The following PDS5A variants were observed in gnomAD, a reference collection of about 807,000 sequenced individuals.
PDS5A encodes sister chromatid cohesion protein PDS5 homolog A.
Under a neutral mutation model 167.1 loss-of-function variants are expected in PDS5A, and 42 were observed. The observed-to-expected ratio is 0.25, with a 90% CI of 0.20 to 0.33. The LOEUF (loss-of-function observed/expected upper bound fraction) is 0.33, where lower values mean the gene tolerates loss of function less well. Among genes scored for constraint, PDS5A ranks in the 10% least tolerant of loss-of-function variants. PDS5A has a pLI of 1.00. For synonymous variants in PDS5A, 553 were observed against 554.6 expected (o/e 1.00, Z 0.04); for missense variants, 1,033 against 1,605.9 (o/e 0.64, Z 6.10).
At chr4:39,855,633 A>G (rs1032012783) in intron 26 of PDS5A, among the ~76,000 whole-genome samples, 3 of 152,224 alleles carry the variant, frequency 2.0e-5, no homozygotes, top group African/African-American at 7.2e-5. Flanking sequence ...ACTGATAAAG[A>G]GACAGAAATA....
At chr4:39,863,131 T>C in intron 24 of PDS5A, 58 bp from the exon 25 acceptor site, 1 of 1,297,318 alleles carries the variant, frequency 7.7e-7, no homozygotes, top group Admixed American at 1.9e-5. Context: ...AAAACAGCAG[T>C]TTAAGTATTT....
At chr4:39,975,178 C>T (rs1048446755) in intron 2 of PDS5A, among the ~76,000 whole-genome samples, 8 of 151,306 alleles carry the variant, frequency 5.3e-5, no homozygotes, top group Non-Finnish European at 1.0e-4. Flanking sequence ...ACTTGGGAGG[C>T]TGAGGCAGAA....
intron 2 of PDS5A, among the ~76,000 whole-genome samples, chr4:39,929,519 C>CCATATATATA (rs1553903666): frequency 1.3e-5 from 1 of 79,406 alleles, no homozygotes; most frequent in African/African-American, 8.7e-5. Context: ...ACTTAATAAA[C>CCATATATATA]TATATATATA....
chr4:39,872,868 C>A (rs529537384), intron 21 of PDS5A, 118 bp downstream of exon 21: 2 of 499,366 alleles, frequency 4.0e-6, no homozygotes, highest in Admixed American at 8.2e-5. Flanking sequence ...ATAAGTAGAA[C>A]CAATATAGAA....
rs1051963653 is a variant in PDS5A at position 39,910,422 on chromosome 4, A to T, written c.993-84T>A. 67 of 692,538 alleles carry T rather than the reference A, an allele frequency of 9.7e-5. No homozygotes were observed. The Admixed American group carries it at 1.5e-3, about 16-fold the overall frequency. The allele number at this position is 692,538 out of a possible 1,614,324, so 42.9% of individuals were successfully genotyped here. A position where few individuals can be genotyped will look rare whatever the true frequency, so the allele number is the denominator to read the frequency against. The stretch of plus-strand genomic sequence containing the variant: ...AGGTATATCTAACATGAAAATACTT[A>T]TACGCAACAATAGTTACTGATTAGA... On this transcript the variant is annotated intron_variant, in intron 9 of 32. Coordinates refer to ENST00000303538, the MANE Select transcript of PDS5A (RefSeq NM_001100399.2).
chr4:39,829,649 CAAA>C (rs150136201), intron 32 of PDS5A, among the ~76,000 whole-genome samples: 1 of 107,906 alleles, frequency 9.3e-6, no homozygotes. Context: ...TTCATCTCCA[CAAA>C]AAAAAAAAAA....
chr4:39,830,572 T>A (rs1206869947), intron 32 of PDS5A, among the ~76,000 whole-genome samples: 1 of 152,036 alleles, frequency 6.6e-6, no homozygotes, highest in Non-Finnish European at 1.5e-5. Context: ...ATTACAGGTG[T>A]GTGCCACCAC....
At chr4:39,960,003 G>C (rs150880921) in intron 2 of PDS5A, among the ~76,000 whole-genome samples, 569 of 152,246 alleles carry the variant, frequency 3.7e-3, no homozygotes, top group Middle Eastern at 6.8e-3. Flanking sequence ...TGAGGCAGGA[G>C]AATCGCTTGA....
chr4:39,840,749 A>T (rs1053174989), intron 31 of PDS5A, among the ~76,000 whole-genome samples: 4 of 151,920 alleles, frequency 2.6e-5, no homozygotes, highest in African/African-American at 9.7e-5. Flanking sequence ...TTGTTAGCAG[A>T]GACAGGGTTT....
intron 15 of PDS5A, 75 bp from the exon 16 acceptor site, chr4:39,898,603 C>T: frequency 9.4e-7 from 1 of 1,067,366 alleles, no homozygotes; most frequent in Non-Finnish European, 1.3e-6. Flanking sequence ...AAACAGGTGC[C>T]ATCAAAATAT....
chr4:39,966,318 C>G (rs766116928), intron 2 of PDS5A, among the ~76,000 whole-genome samples: 17 of 152,178 alleles, frequency 1.1e-4, no homozygotes, highest in Non-Finnish European at 1.6e-4. Context: ...TTCAGGGGTC[C>G]TCCTGGAGGA....
At chr4:39,898,267 G>T in intron 16 of PDS5A, 122 bp downstream of exon 16, 1 of 1,352,482 alleles carries the variant, frequency 7.4e-7, no homozygotes, top group Non-Finnish European at 9.5e-7. Flanking sequence ...ATACTCCAAA[G>T]TAATTCAGAG....
At chr4:39,900,969 T>C (rs1189687762) in intron 13 of PDS5A, among the ~76,000 whole-genome samples, 2 of 152,194 alleles carry the variant, frequency 1.3e-5, no homozygotes, top group Non-Finnish European at 2.9e-5. Context: ...ATAGACTATT[T>C]TGAAAAATGA....
chr4:39,930,246 A>AATTT, intron 2 of PDS5A, among the ~76,000 whole-genome samples: 3 of 93,166 alleles, frequency 3.2e-5, no homozygotes, highest in Admixed American at 1.1e-4. Flanking sequence ...AAAAAAAAAA[A>AATTT]GTTTTTTTGT....
chr4:39,879,872 G>A, intron 17 of PDS5A, 39 bp from the exon 18 acceptor site: 1 of 1,098,142 alleles, frequency 9.1e-7, no homozygotes, highest in Non-Finnish European at 1.4e-6. Flanking sequence ...AACCACTGTA[G>A]TAGTAACTAT....
At chr4:39,907,598 T>G (rs1459207673) in intron 11 of PDS5A, among the ~76,000 whole-genome samples, 1 of 151,674 alleles carries the variant, frequency 6.6e-6, no homozygotes, top group East Asian at 1.9e-4. Flanking sequence ...TTCTTTTTTT[T>G]TTTTTTGAGA....
At chr4:39,923,189 G>A (rs993844960) in intron 5 of PDS5A, among the ~76,000 whole-genome samples, 5 of 151,804 alleles carry the variant, frequency 3.3e-5, no homozygotes, top group Admixed American at 6.6e-5. Flanking sequence ...TTAGTGAAGC[G>A]TGGTGGCGGG....
At position 39,863,101 on chromosome 4, in the gene PDS5A, G is replaced by A. The variant is rs976167176; in HGVS notation, c.2767-28C>T. 9 of 1,533,300 alleles carry A rather than the reference G, an allele frequency of 5.9e-6. No homozygotes were observed. The African/African-American group carries it at 9.6e-5, about 16-fold the overall frequency. 95.0% of individuals were successfully genotyped at this position (1,533,300 alleles called of 1,614,324 possible). A position where few individuals can be genotyped will look rare whatever the true frequency, so the allele number is the denominator to read the frequency against. On this transcript the variant is annotated intron_variant, in intron 24 of 32. Coordinates refer to ENST00000303538, the MANE Select transcript of PDS5A (RefSeq NM_001100399.2). ...ACAGCAGCACAGAAAAACTTAAATT[G>A]GCAACCATTTATTAAATAAAAAACA...
At chr4:39,969,828 T>C (rs1385834375) in intron 2 of PDS5A, among the ~76,000 whole-genome samples, 1 of 151,986 alleles carries the variant, frequency 6.6e-6, no homozygotes, top group African/African-American at 2.4e-5. Flanking sequence ...GCATTAAGCT[T>C]GGCACTGAGA....
Sources: gnomAD v4.1 joint callset for allele counts (sites outside exome capture counted in the v4.1 genomes callset) on GRCh38, gnomAD v4.1.1 for gene constraint, MANE v1.5 for transcripts, NCBI Gene and HGNC (gene_info 2026-07-23, HGNC 2026-07-21) for gene names.